The following SLC24A4 variants were observed in gnomAD, a reference collection of about 807,000 sequenced individuals.
The protein encoded by SLC24A4 is sodium/potassium/calcium exchanger 4.
A neutral mutation model predicts 79.0 loss-of-function variants in SLC24A4; 53 were observed. That is an observed-to-expected ratio of 0.67 (90% CI 0.54 to 0.84). The LOEUF (loss-of-function observed/expected upper bound fraction) is 0.84, where lower values mean the gene tolerates loss of function less well. Among genes scored for constraint, SLC24A4 ranks in the 40% least tolerant of loss-of-function variants. SLC24A4 has a pLI of 0.00. For missense variants in SLC24A4, 731 were observed against 822.0 expected, an observed-to-expected ratio of 0.89 and a Z score of 1.35; for synonymous variants, 323 against 323.8, an observed-to-expected ratio of 1.00 and a Z score of 0.03.
chr14:92,357,828 T>C (rs1382007017), intron 2 of SLC24A4, among the ~76,000 whole-genome samples: 2 of 152,174 alleles, frequency 1.3e-5, no homozygotes, highest in African/African-American at 4.8e-5. Context: ...TTAAAAATGG[T>C]TACAATGGTA....
chr14:92,353,917 G>A lies in SLC24A4; in HGVS notation c.241+27939G>A, dbSNP rs1165384531. 6.6e-6 allele frequency among the ~76,000 whole-genome samples: 1 copy of A among 152,222 alleles called. No individual in the cohort carries two copies. The highest frequency in any genetic ancestry group is 2.4e-5 in the African/African-American group (1 of 41,460). ...TCCCAAGTGAGCTTCCCACACGGCC[G>A]GCCCAGAGAGCAGGAGAGTTGATGG... is the stretch of plus-strand genomic sequence containing the variant. On this transcript the variant is annotated intron_variant, in intron 2 of 16. Transcript: ENST00000532405. The surrounding 1 kb of genome is among the most constrained non-coding windows in gnomAD (Gnocchi z 4.1).
chr14:92,453,738 T>C (rs2045515239), intron 10 of SLC24A4, 162 bp from the exon 11 acceptor site: 3 of 636,466 alleles, frequency 4.7e-6, no homozygotes, highest in Non-Finnish European at 7.7e-6. Flanking sequence ...CCACTTTGCC[T>C]GACATGAGGA....
rs1234466605 is a variant in SLC24A4 at position 92,496,154 on chromosome 14, A to G, written c.*2526A>G. ...TTAGAAACTAAAATAATGTTTTTTA[A>G]TATGTAATATGCTCCTCTTGGCTAA... On this transcript the variant is annotated 3_prime_UTR_variant, in exon 17 of 17. Coordinates refer to ENST00000532405, the MANE Select transcript of SLC24A4 (RefSeq NM_153646.4). 5 of 152,666 alleles carry G rather than the reference A, an allele frequency of 3.3e-5. No individual in the cohort carries two copies. Among genetic ancestry groups the G allele is most frequent in the Admixed American group, 3.3e-4 (5 of 15,294 alleles). The allele number at this position is 152,666 out of a possible 1,614,324, so 9.5% of individuals were successfully genotyped here.
chr14:92,409,785 C>T (rs1283529430), intron 2 of SLC24A4, among the ~76,000 whole-genome samples: 1 of 152,084 alleles, frequency 6.6e-6, no homozygotes, highest in Non-Finnish European at 1.5e-5. Flanking sequence ...TGCAATCAAC[C>T]TAAATGTCCA....
intron 2 of SLC24A4, among the ~76,000 whole-genome samples, chr14:92,336,915 C>G (rs565723765): frequency 6.6e-6 from 1 of 152,172 alleles, no homozygotes; most frequent in African/African-American, 2.4e-5. Flanking sequence ...CATCACCTCC[C>G]GTACCTGGAG....
intron 12 of SLC24A4, among the ~76,000 whole-genome samples, chr14:92,464,606 A>G (rs983168236): frequency 2.0e-5 from 3 of 151,918 alleles, no homozygotes; most frequent in Non-Finnish European, 2.9e-5. Context: ...GCTGGACAGT[A>G]GCAGGAAGGT....
chr14:92,467,898 C>T (rs904309809), intron 12 of SLC24A4, among the ~76,000 whole-genome samples: 2 of 152,186 alleles, frequency 1.3e-5, no homozygotes, highest in East Asian at 1.9e-4. Context: ...CCCTGCTGGA[C>T]GTAGTGCCTC....
intron 2 of SLC24A4, among the ~76,000 whole-genome samples, chr14:92,330,617 A>G (rs944168499): frequency 6.6e-6 from 1 of 152,256 alleles, no homozygotes; most frequent in African/African-American, 2.4e-5. Flanking sequence ...TAGCTCAAAC[A>G]GCAGACATTT....
intron 4 of SLC24A4, among the ~76,000 whole-genome samples, chr14:92,440,931 A>G (rs896156811): frequency 6.6e-6 from 1 of 151,930 alleles, no homozygotes; most frequent in African/African-American, 2.4e-5. Flanking sequence ...AGGAGGGAGG[A>G]CAGGAGGCAG....
intron 2 of SLC24A4, among the ~76,000 whole-genome samples, chr14:92,408,947 A>G (rs1018507429): frequency 3.9e-5 from 6 of 152,186 alleles, no homozygotes; most frequent in African/African-American, 1.4e-4. Flanking sequence ...TAGAAGCTGG[A>G]GTTTTCTGAA....
chr14:92,362,980 G>A (rs973600912), intron 2 of SLC24A4, among the ~76,000 whole-genome samples: 3 of 152,178 alleles, frequency 2.0e-5, no homozygotes, highest in Admixed American at 6.5e-5. Context: ...CAGCCTGCCC[G>A]ACTTCTCTCA....
intron 2 of SLC24A4, among the ~76,000 whole-genome samples, chr14:92,330,031 A>C (rs1292289439): frequency 6.6e-6 from 1 of 152,172 alleles, no homozygotes; most frequent in African/African-American, 2.4e-5. Context: ...CCCAGGAGTC[A>C]ATACTTTTTA....
intron 2 of SLC24A4, among the ~76,000 whole-genome samples, chr14:92,344,533 G>T (rs553145086): frequency 6.6e-6 from 1 of 152,274 alleles, no homozygotes; most frequent in South Asian, 2.1e-4. Flanking sequence ...GAGGCAGTTG[G>T]AGTTGGGGAG....
chr14:92,332,939 A>C (rs534916212), intron 2 of SLC24A4, among the ~76,000 whole-genome samples: 1 of 152,292 alleles, frequency 6.6e-6, no homozygotes, highest in East Asian at 1.9e-4. Context: ...ATCTTTGAAG[A>C]ATTTAGGATG....
At chr14:92,442,242 C>T in intron 5 of SLC24A4, 69 bp downstream of exon 5, 1 of 1,242,128 alleles carries the variant, frequency 8.1e-7, no homozygotes. Flanking sequence ...GCAGTGGGGG[C>T]ATTTGTCAGC....
chr14:92,458,972 A>G (rs143611714), intron 12 of SLC24A4, among the ~76,000 whole-genome samples: 14 of 152,242 alleles, frequency 9.2e-5, no homozygotes, highest in African/African-American at 4.8e-5. Flanking sequence ...GGAGAGTTCT[A>G]TGTGCCCCTT....
At chr14:92,416,807 G>T (rs547955963) in intron 2 of SLC24A4, among the ~76,000 whole-genome samples, 1 of 152,242 alleles carries the variant, frequency 6.6e-6, no homozygotes, top group Non-Finnish European at 1.5e-5. Flanking sequence ...GTTTCTGACA[G>T]AGCCAAGGAT....
At chr14:92,433,594 C>G (rs1891994703) in intron 2 of SLC24A4, among the ~76,000 whole-genome samples, 1 of 152,194 alleles carries the variant, frequency 6.6e-6, no homozygotes, top group African/African-American at 2.4e-5. Flanking sequence ...GTATCCTTGT[C>G]AACACTTACT....
At chr14:92,442,282 TG>T (rs1020984152) in intron 5 of SLC24A4, 109 bp downstream of exon 5, 33 of 814,634 alleles carry the variant, frequency 4.1e-5, no homozygotes. Flanking sequence ...ATCTGTAAAA[TG>T]GGAGAATTGG....
Sources: gnomAD v4.1 joint callset for allele counts (sites outside exome capture counted in the v4.1 genomes callset) on GRCh38, gnomAD v4.1.1 for gene constraint, Gnocchi (gnomAD v3.1) non-coding constraint, MANE v1.5 for transcripts, NCBI Gene and HGNC (gene_info 2026-07-23, HGNC 2026-07-21) for gene names.